Variants in SLC8A1 observed in about 807,000 individuals in gnomAD.
The protein encoded by SLC8A1 is sodium/calcium exchanger 1.
SLC8A1 carries 18 observed loss-of-function variants against 68.3 expected under a neutral mutation model. The ratio of observed to expected loss-of-function variants is 0.26; its 90% CI spans 0.18 to 0.39. The LOEUF is 0.39. Ranked by LOEUF, SLC8A1 falls within the 10% of genes least tolerant of loss-of-function variation. The pLI is 1.00. For synonymous variants in SLC8A1, 475 were observed against 415.5 expected, an observed-to-expected ratio of 1.14 and a Z score of -1.74; for missense variants, 985 against 1,156.7, an observed-to-expected ratio of 0.85 and a Z score of 2.15.
At chr2:40,193,970 G>A (rs796130047) in intron 2 of SLC8A1, among the ~76,000 whole-genome samples, 1 of 152,090 alleles carries the variant, frequency 6.6e-6, no homozygotes, top group Admixed American at 6.6e-5. Context: ...CTGAAAACTT[G>A]TCTGTGGGTT....
upstream of SLC8A1, among the ~76,000 whole-genome samples, chr2:40,455,884 C>T (rs551261669): frequency 6.6e-6 from 1 of 152,326 alleles, no homozygotes; most frequent in Non-Finnish European, 1.5e-5. Flanking sequence ...GGCAGCCTTC[C>T]TGGCAGACTC....
chr2:40,131,867 T>TTA (rs1374765636), intron 7 of SLC8A1, among the ~76,000 whole-genome samples: 2 of 79,164 alleles, frequency 2.5e-5, no homozygotes, highest in Non-Finnish European at 5.6e-5. Context: ...TATTTTTTTT[T>TTA]TTTTTTTTTT....
chr2:40,348,951 A>G (rs1670208779), intron 2 of SLC8A1, among the ~76,000 whole-genome samples: 1 of 152,172 alleles, frequency 6.6e-6, no homozygotes, highest in Non-Finnish European at 1.5e-5. Flanking sequence ...TCCCACTAAT[A>G]AATGATTTCT....
chr2:40,445,297 C>A (rs1292344123), intron 1 of SLC8A1, among the ~76,000 whole-genome samples: 1 of 152,040 alleles, frequency 6.6e-6, no homozygotes, highest in Non-Finnish European at 1.5e-5. Flanking sequence ...AGTCTGAGGA[C>A]CCTAGGTTGG....
intron 2 of SLC8A1, among the ~76,000 whole-genome samples, chr2:40,243,638 G>A (rs891284757): frequency 3.9e-5 from 6 of 152,260 alleles, no homozygotes; most frequent in Non-Finnish European, 5.9e-5. Context: ...CCTGGCTCTG[G>A]GAAAATGAAC....
At chr2:40,210,109 T>C (rs896010641) in intron 2 of SLC8A1, 7 of 152,194 alleles carry the variant, frequency 4.6e-5, no homozygotes, top group Admixed American at 2.0e-4. Flanking sequence ...TTTAAACATC[T>C]ATCTATCTTT....
intron 2 of SLC8A1, among the ~76,000 whole-genome samples, chr2:40,280,605 G>A (rs1488648622): frequency 6.6e-6 from 1 of 152,152 alleles, no homozygotes; most frequent in Non-Finnish European, 1.5e-5. Context: ...CAGGCACTGG[G>A]AATGCTGAAA....
chr2:40,231,474 C>G (rs1206330689), intron 2 of SLC8A1, among the ~76,000 whole-genome samples: 1 of 152,050 alleles, frequency 6.6e-6, no homozygotes, highest in African/African-American at 2.4e-5. Flanking sequence ...ATGGCTATAT[C>G]TAGTCCCCCA....
intron 2 of SLC8A1, among the ~76,000 whole-genome samples, chr2:40,368,635 T>C (rs746331558): frequency 1.3e-5 from 2 of 152,110 alleles, no homozygotes; most frequent in Non-Finnish European, 2.9e-5. Context: ...AGTGTAGGTT[T>C]GTTACACAGG....
At chr2:40,258,227 G>A (rs1286409147) in intron 2 of SLC8A1, among the ~76,000 whole-genome samples, 5 of 152,266 alleles carry the variant, frequency 3.3e-5, no homozygotes, top group South Asian at 4.1e-4. Flanking sequence ...CTCCAAGGTC[G>A]GATGTAGTGC....
At chr2:40,133,690 T>C (rs970872555) in intron 7 of SLC8A1, among the ~76,000 whole-genome samples, 4 of 128,968 alleles carry the variant, frequency 3.1e-5, no homozygotes, top group Admixed American at 1.5e-4. Flanking sequence ...CAAGACTTAA[T>C]GGGGCAAAAA....
At chr2:40,292,366 C>T (rs1433811456) in intron 2 of SLC8A1, among the ~76,000 whole-genome samples, 2 of 152,062 alleles carry the variant, frequency 1.3e-5, no homozygotes, top group East Asian at 3.9e-4. Flanking sequence ...CTTTTGGAGG[C>T]GTGGACAATG....
In SLC8A1 at chr2:40,197,705, A is replaced by T. The variant is rs140556747; in HGVS notation, c.1809-19850T>A. ...GGAAACTGACTGGTTATTCCAAGTG[A>T]AACTGCTTGTCTCCCAGACATTTTC... is the stretch of plus-strand genomic sequence containing the variant. On this transcript the variant is annotated intron_variant, in intron 2 of 7. Coordinates refer to ENST00000406785, the Ensembl canonical transcript of SLC8A1. 1.9e-3 allele frequency among the ~76,000 whole-genome samples: 286 copies of T among 152,058 alleles called. 4 individuals carry two copies. The highest frequency in any genetic ancestry group is 6.6e-3 in the African/African-American group (275 of 41,500).
intron 2 of SLC8A1, among the ~76,000 whole-genome samples, chr2:40,415,255 A>AG (rs911569836): frequency 4.6e-5 from 7 of 152,274 alleles, no homozygotes; most frequent in Non-Finnish European, 8.8e-5. Flanking sequence ...TTAAAGCTGG[A>AG]GGGGACTTCC....
At chr2:40,503,109 C>T (rs1706147668) in intron 1 of SLC8A1, among the ~76,000 whole-genome samples, 2 of 151,986 alleles carry the variant, frequency 1.3e-5, no homozygotes, top group Admixed American at 6.6e-5. Context: ...TGCATAATCA[C>T]ATGTTTCTGT....
intron 2 of SLC8A1, among the ~76,000 whole-genome samples, chr2:40,182,926 G>C (rs1227768241): frequency 6.6e-6 from 1 of 152,204 alleles, no homozygotes; most frequent in East Asian, 1.9e-4. Context: ...GGATTAAAGA[G>C]AAGAGACTCC....
At chr2:40,258,074 C>G (rs1161271390) in intron 2 of SLC8A1, among the ~76,000 whole-genome samples, 1 of 152,166 alleles carries the variant, frequency 6.6e-6, no homozygotes, top group Non-Finnish European at 1.5e-5. Flanking sequence ...GTAAGAAAAG[C>G]TGTCAAACAT....
intron 1 of SLC8A1, among the ~76,000 whole-genome samples, chr2:40,450,347 T>TGTGA (rs1375579313): frequency 8.2e-6 from 1 of 122,586 alleles, no homozygotes. Context: ...AGAGAAAGCA[T>TGTGA]GTGAGTGTGT....
intron 2 of SLC8A1, among the ~76,000 whole-genome samples, chr2:40,228,911 T>G (rs1054479174): frequency 6.6e-6 from 1 of 152,184 alleles, no homozygotes; most frequent in South Asian, 2.1e-4. Flanking sequence ...CAGTTCCTTT[T>G]GCAAATTACA....
Sources: gnomAD v4.1 joint callset for allele counts (sites outside exome capture counted in the v4.1 genomes callset) on GRCh38, gnomAD v4.1.1 for gene constraint, MANE v1.5 for transcripts, NCBI Gene and HGNC (gene_info 2026-07-23, HGNC 2026-07-21) for gene names.